The following CSMD1 variants were observed in gnomAD, a reference collection of about 807,000 sequenced individuals.
CSMD1 encodes the protein CUB and sushi domain-containing protein 1.
A neutral mutation model predicts 417.5 loss-of-function variants in CSMD1; 213 were observed. That is an observed-to-expected ratio of 0.51 (90% CI 0.46 to 0.57). CSMD1 has a LOEUF of 0.57. CSMD1 is among the 20% of genes least tolerant of loss of function. The probability of loss-of-function intolerance (pLI) is 0.00; values close to 1 mark genes in which losing one functional copy is unlikely to be tolerated. For synonymous variants in CSMD1, 2,862 were observed against 1,736.8 expected, an observed-to-expected ratio of 1.65 and a Z score of -16.11; for missense variants, 6,923 against 4,529.7, an observed-to-expected ratio of 1.53 and a Z score of -15.17.
At chr8:4,870,667 T>A (rs184808079) in intron 1 of CSMD1, among the ~76,000 whole-genome samples, 1 of 151,990 alleles carries the variant, frequency 6.6e-6, no homozygotes. Context: ...AGAAACAGAG[T>A]ACAGAAGTAG....
chr8:3,649,876 AT>A (rs1192044900), intron 7 of CSMD1, among the ~76,000 whole-genome samples: 3 of 152,178 alleles, frequency 2.0e-5, no homozygotes, highest in South Asian at 2.1e-4. Context: ...CTATGTACAC[AT>A]TTTTTTGAAT....
At chr8:4,356,399 G>A (rs1401246738) in intron 3 of CSMD1, among the ~76,000 whole-genome samples, 5 of 152,026 alleles carry the variant, frequency 3.3e-5, no homozygotes, top group South Asian at 2.1e-4. Flanking sequence ...TTGGTTCTAC[G>A]ATTTTGCAAT....
intron 2 of CSMD1, among the ~76,000 whole-genome samples, chr8:4,420,624 G>A (rs1312012059): frequency 6.6e-6 from 1 of 152,112 alleles, no homozygotes; most frequent in African/African-American, 2.4e-5. Flanking sequence ...CAAAACCACT[G>A]AGTTGGTCGT....
chr8:4,224,542 C>T (rs1801231053), intron 3 of CSMD1, among the ~76,000 whole-genome samples: 2 of 152,150 alleles, frequency 1.3e-5, no homozygotes, highest in South Asian at 4.1e-4. Flanking sequence ...CGGCTAGGAA[C>T]TCAAGGGAAG....
At position 3,493,704 on chromosome 8, in the gene CSMD1, T is replaced by C; in HGVS notation, c.1367A>G (p.Glu456Gly). 1.9e-6 allele frequency: 3 copies of C among 1,611,396 alleles called. No individual in the cohort carries two copies. Among genetic ancestry groups the C allele is most frequent in the South Asian group, 1.1e-5 (1 of 90,062 alleles). Residue 456 changes from glutamate to glycine, a missense_variant, in exon 11 of 70, where the codon GAG becomes GGG. Coordinates refer to ENST00000635120, the MANE Select transcript of CSMD1 (RefSeq NM_033225.6). ...GTCATAGCCTCGCTCCAGCTCAAAC[T>C]CTTCAAAGGCAAGCTTGATGACCTA... ...PDKVIKLAFEEFELERGYDTL... is the reference protein window; with the variant it reads ...PDKVIKLAFEGFELERGYDTL...
In CSMD1 at chr8:3,159,317, T is replaced by C. The variant is rs781050137; in HGVS notation, c.5845-1351A>G. 6.6e-4 allele frequency among the ~76,000 whole-genome samples: 101 copies of C among 152,184 alleles called. 2 individuals are homozygous for C. Among genetic ancestry groups the C allele is most frequent in the Non-Finnish European group, 1.5e-4 (10 of 68,026 alleles). ...AGTTTTCTAATAAATCAAAACAAGA[T>C]AGGACCCTGTGCATTTATTTACTAG... On this transcript the variant is annotated intron_variant, in intron 38 of 69. Transcript: ENST00000635120.
rs199728701 is a variant in CSMD1 at position 3,759,740 on chromosome 8, C to A, written c.819-5698G>T. Among the ~76,000 whole-genome samples the A allele has an allele frequency of 4.2e-4, 49 of 116,410 alleles. No homozygotes were observed. The South Asian group carries it at 6.2e-3, about 15-fold the overall frequency. The allele number at this position is 116,410 out of a possible 152,430, so 76.4% of individuals were successfully genotyped here. A position where few individuals can be genotyped will look rare whatever the true frequency, so the allele number is the denominator to read the frequency against. ...GAAACACCACCTCTACTAAAAATAC[C>A]AAAAAAAAAAAAAAAAAATTAGCCA... On this transcript the variant is annotated intron_variant, in intron 5 of 69. Coordinates refer to ENST00000635120, the MANE Select transcript of CSMD1 (RefSeq NM_033225.6).
chr8:3,890,652 C>A (rs1446128672), intron 5 of CSMD1, among the ~76,000 whole-genome samples: 2 of 152,068 alleles, frequency 1.3e-5, no homozygotes, highest in Non-Finnish European at 2.9e-5. Flanking sequence ...TATTTCTAGT[C>A]CCCAAATTTA....
At chr8:4,236,055 T>TTTTTTTG (rs1802037555) in intron 3 of CSMD1, among the ~76,000 whole-genome samples, 2 of 83,748 alleles carry the variant, frequency 2.4e-5, no homozygotes, top group South Asian at 3.5e-4. Flanking sequence ...TTTTTTTTTT[T>TTTTTTTG]TTTTTTTTTT....
intron 3 of CSMD1, among the ~76,000 whole-genome samples, chr8:4,344,665 A>G (rs1305788008): frequency 6.6e-6 from 1 of 152,050 alleles, no homozygotes; most frequent in Non-Finnish European, 1.5e-5. Context: ...GAATTGAATC[A>G]ATAAACACAA....
At chr8:3,290,997 C>A (rs1292290203) in intron 25 of CSMD1, among the ~76,000 whole-genome samples, 1 of 152,094 alleles carries the variant, frequency 6.6e-6, no homozygotes, top group African/African-American at 2.4e-5. Flanking sequence ...GAGATACGTC[C>A]CATCAACACC....
intron 3 of CSMD1, among the ~76,000 whole-genome samples, chr8:4,403,363 C>G (rs955180397): frequency 6.6e-6 from 1 of 152,140 alleles, no homozygotes. Flanking sequence ...AAGGAAGTCT[C>G]TACTTGACCT....
chr8:4,204,886 C>G (rs534649048), intron 3 of CSMD1, among the ~76,000 whole-genome samples: 1 of 152,090 alleles, frequency 6.6e-6, no homozygotes, highest in Non-Finnish European at 1.5e-5. Context: ...GTCCTGAACT[C>G]CTGTCCTCAA....
intron 7 of CSMD1, among the ~76,000 whole-genome samples, chr8:3,618,242 T>C (rs576775175): frequency 6.6e-6 from 1 of 152,262 alleles, no homozygotes; most frequent in Admixed American, 6.5e-5. Context: ...CTGGCTCAAG[T>C]GACACTCGCA....
chr8:3,977,265 T>C (rs912937026), intron 5 of CSMD1, among the ~76,000 whole-genome samples: 2 of 152,158 alleles, frequency 1.3e-5, no homozygotes, highest in African/African-American at 2.4e-5. Context: ...TTTCCCACAC[T>C]ATGATCCAAG....
Position 3,581,535 on chromosome 8 carries a change from G to A in CSMD1, c.1222+4601C>T, listed in dbSNP as rs1478560680. ...TGCAATTTATCGAATGCTTCCATCA[G>A]ATATTCCTGCTCCAGAGAAGGCATG... is the stretch of plus-strand genomic sequence containing the variant. On this transcript the variant is annotated intron_variant, in intron 9 of 69. Transcript: ENST00000635120. Among the ~76,000 whole-genome samples the A allele has an allele frequency of 2.6e-5, 4 of 152,172 alleles. No homozygotes were observed. In the East Asian group the frequency reaches 7.7e-4, roughly 29 times the overall value.
intron 12 of CSMD1, among the ~76,000 whole-genome samples, chr8:3,461,292 G>T (rs886950723): frequency 2.6e-5 from 4 of 152,186 alleles, no homozygotes; most frequent in African/African-American, 9.6e-5. Flanking sequence ...GGCTTTTGCT[G>T]GATAGAATGA....
Position 3,370,718 on chromosome 8 carries a change from T to C in CSMD1, c.2783-1348A>G, listed in dbSNP as rs556799508. Among the ~76,000 whole-genome samples the C allele has an allele frequency of 2.3e-4, 35 of 152,290 alleles. 1 individual carries two copies. Among genetic ancestry groups the C allele is most frequent in the Middle Eastern group, 6.8e-3 (2 of 294 alleles). ...GGCTGGGCACGGTAGCTCACACCTG[T>C]AATCCCAGCACTTTGGGAGGCTGAG... On this transcript the variant is annotated intron_variant, in intron 18 of 69. Coordinates refer to ENST00000635120, the MANE Select transcript of CSMD1 (RefSeq NM_033225.6).
At chr8:3,762,603 T>A in intron 5 of CSMD1, among the ~76,000 whole-genome samples, 1 of 152,320 alleles carries the variant, frequency 6.6e-6, no homozygotes, top group East Asian at 1.9e-4. Flanking sequence ...GGGAAGCCCA[T>A]GACTTGGCCC....
Sources: allele counts gnomAD v4.1 joint callset (sites outside exome capture counted in the v4.1 genomes callset), GRCh38; gene constraint gnomAD v4.1.1; transcripts MANE v1.5; gene names NCBI Gene and HGNC (gene_info 2026-07-23, HGNC 2026-07-21).